The following LIMCH1 variants were observed in gnomAD, a reference collection of about 807,000 sequenced individuals.
LIMCH1 encodes the protein LIM and calponin homology domains 1.
A neutral mutation model predicts 176.5 loss-of-function variants in LIMCH1; 113 were observed. The ratio of observed to expected loss-of-function variants is 0.64; its 90% CI spans 0.55 to 0.75. LIMCH1 has a LOEUF of 0.75. Ranked by LOEUF, LIMCH1 falls within the 30% of genes least tolerant of loss-of-function variation. The pLI, the probability that LIMCH1 is intolerant of heterozygous loss-of-function variation, is 0.00. For synonymous variants in LIMCH1, 619 were observed against 645.9 expected (o/e 0.96, Z 0.63); for missense variants, 1,674 against 1,814.9 (o/e 0.92, Z 1.41).
chr4:41,479,074 A>G (rs910394089), intron 1 of LIMCH1, among the ~76,000 whole-genome samples: 1 of 152,140 alleles, frequency 6.6e-6, no homozygotes, highest in African/African-American at 2.4e-5. Context: ...CCATATACCC[A>G]CCACCTAGTT....
chr4:41,670,953 T>C (rs2094996995), intron 21 of LIMCH1: 2 of 984,082 alleles, frequency 2.0e-6, no homozygotes, highest in Non-Finnish European at 1.2e-6. Flanking sequence ...CTACCAGTTA[T>C]GCTAAAATTG....
At position 41,689,538 on chromosome 4, in the gene LIMCH1, G is replaced by T. The variant is rs758170747; in HGVS notation, c.4178G>T (p.Gly1393Val). 1 of 1,601,990 alleles carries T rather than the reference G, an allele frequency of 6.2e-7. No individual in the cohort carries two copies. The highest frequency in any genetic ancestry group is 8.6e-7 in the Non-Finnish European group (1 of 1,169,252). The change falls in exon 30 of 32, where the codon GGA (glycine) becomes GTA (valine). Residue 1393 changes from glycine (G) to valine (V), a missense_variant. By Grantham distance (109) the Gly-to-Val change is moderately radical. This residue lies in a region of LIMCH1 where 1,015 missense variants were observed against 1,102.5 expected (regional missense o/e 0.92). Transcript: ENST00000503057. ...PGQSPNRSIS[G>V]KKLCSSCGLP... is the part of the protein sequence containing the mutation. ...ATTTTTAAACCTAGGTCTATAAGTG[G>T]AAAGAAGCTGTGCTCTTCCTGTGGG... is the stretch of plus-strand genomic sequence containing the variant.
chr4:41,365,459 G>A (rs921050178), intron 1 of LIMCH1, among the ~76,000 whole-genome samples: 4 of 152,294 alleles, frequency 2.6e-5, no homozygotes, highest in Middle Eastern at 3.4e-3. Flanking sequence ...AGATAATTTA[G>A]CATTTAATGG....
rs2094243575 is a variant in LIMCH1 at position 41,650,404 on chromosome 4, A to G, written c.2832A>G (p.Lys944=). Residue 944 remains lysine, a synonymous_variant, in exon 18 of 32, where the codon AAA becomes AAG. Transcript: ENST00000503057. The stretch of plus-strand genomic sequence containing the variant: ...TCTGGCTTTTATAGGTAGACGGGAA[A>G]GTCAGTGTGAATGGAGAGACGGTTC... ...DVLKTFKVDG[K]VSVNGETVHR... 1 of 1,613,996 alleles carries G rather than the reference A, an allele frequency of 6.2e-7. No homozygotes were observed. The highest frequency in any genetic ancestry group is 8.5e-7 in the Non-Finnish European group (1 of 1,179,892).
intron 2 of LIMCH1, among the ~76,000 whole-genome samples, chr4:41,496,175 TC>T (rs1313663151): frequency 2.0e-5 from 3 of 152,198 alleles, no homozygotes; most frequent in African/African-American, 7.2e-5. Flanking sequence ...TTGAAGTGGG[TC>T]TTTGGTCCAA....
chr4:41,667,545 A>G (rs935641710), intron 21 of LIMCH1, among the ~76,000 whole-genome samples: 1 of 152,206 alleles, frequency 6.6e-6, no homozygotes, highest in African/African-American at 2.4e-5. Context: ...GGTTGCCTCT[A>G]GAAACGTGGG....
intron 17 of LIMCH1, among the ~76,000 whole-genome samples, chr4:41,647,869 A>T (rs766264199): frequency 3.3e-5 from 5 of 152,254 alleles, no homozygotes; most frequent in Non-Finnish European, 7.3e-5. Flanking sequence ...AGACTGTCTC[A>T]TCTGGATCAC....
chr4:41,477,343 A>G (rs1234556701), intron 1 of LIMCH1, among the ~76,000 whole-genome samples: 1 of 152,202 alleles, frequency 6.6e-6, no homozygotes. Flanking sequence ...TTAGGAAAAC[A>G]GGACTCTTCC....
chr4:41,520,963 C>G (rs1257932013), intron 2 of LIMCH1, among the ~76,000 whole-genome samples: 3 of 152,084 alleles, frequency 2.0e-5, no homozygotes, highest in African/African-American at 7.2e-5. Context: ...TGGAGATATT[C>G]CTCCAAGTGG....
intron 1 of LIMCH1, among the ~76,000 whole-genome samples, chr4:41,475,639 A>G (rs1370996589): frequency 2.6e-5 from 4 of 152,114 alleles, no homozygotes; most frequent in African/African-American, 9.7e-5. Context: ...TGACTTGATT[A>G]TAAAGAATGT....
At chr4:41,576,963 G>A (rs138660906) in intron 1 of LIMCH1, among the ~76,000 whole-genome samples, 103 of 152,218 alleles carry the variant, frequency 6.8e-4, no homozygotes, top group African/African-American at 2.2e-3. Context: ...GCATCTGAGC[G>A]TTCTGCATGT....
intron 4 of LIMCH1, among the ~76,000 whole-genome samples, chr4:41,610,006 C>G (rs2091236570): frequency 6.6e-6 from 1 of 152,206 alleles, no homozygotes; most frequent in Admixed American, 6.5e-5. Context: ...ACGAGCTTGG[C>G]CAAGCACAGC....
intron 14 of LIMCH1, 139 bp from the exon 15 acceptor site, chr4:41,644,361 G>C: frequency 2.6e-6 from 3 of 1,170,548 alleles, no homozygotes; most frequent in Non-Finnish European, 3.4e-6. Context: ...CACACCGCCA[G>C]TCACGCGCTG....
At chr4:41,488,437 C>G (rs1270430758) in intron 1 of LIMCH1, among the ~76,000 whole-genome samples, 1 of 152,024 alleles carries the variant, frequency 6.6e-6, no homozygotes, top group Non-Finnish European at 1.5e-5. Context: ...TGGGAAAACT[C>G]GATATTCATA....
intron 5 of LIMCH1, among the ~76,000 whole-genome samples, chr4:41,616,583 T>C (rs556823384): frequency 2.0e-5 from 3 of 152,114 alleles, no homozygotes; most frequent in African/African-American, 7.2e-5. Flanking sequence ...ACATGCTAGA[T>C]TACATTCTCC....
intron 1 of LIMCH1, among the ~76,000 whole-genome samples, chr4:41,415,666 A>G (rs1019037882): frequency 2.2e-4 from 34 of 152,124 alleles, no homozygotes; most frequent in Middle Eastern, 3.4e-3. Context: ...TGGTACTGCT[A>G]TTTGTGTACA....
At chr4:41,508,603 G>A (rs893760594) in intron 2 of LIMCH1, among the ~76,000 whole-genome samples, 6 of 152,184 alleles carry the variant, frequency 3.9e-5, no homozygotes, top group African/African-American at 4.8e-5. Flanking sequence ...GGAAAGAGCC[G>A]CAGAAGGAGG....
rs77464869 is a variant in LIMCH1 at position 41,620,299 on chromosome 4, A to G, written c.459-125A>G. The G allele has an allele frequency of 4.3e-3, 3,971 of 924,568 alleles. 102 individuals are homozygous for G. In the African/African-American group the frequency reaches 0.058, roughly 13 times the overall value. The allele number at this position is 924,568 out of a possible 1,614,324, so 57.3% of individuals were successfully genotyped here. A position where few individuals can be genotyped will look rare whatever the true frequency, so the allele number is the denominator to read the frequency against. On this transcript the variant is annotated intron_variant, in intron 6 of 31. Coordinates refer to ENST00000503057, the MANE Select transcript of LIMCH1 (RefSeq NM_001330672.2). ...GAATTTTCTTCACATTATCAGGATT[A>G]TATTGTGTGCTATGACTTTCTTTTC... is the stretch of plus-strand genomic sequence containing the variant.
rs1732400404 is a variant in LIMCH1, at chr4:41,699,812, A to C, written c.*2627A>C. ...AATGCAATACATATTATAGTTATCTATACACAGTGTAAGATTTAACAAACT... is the reference window on the plus strand; with the variant it reads ...AATGCAATACATATTATAGTTATCTCTACACAGTGTAAGATTTAACAAACT... On this transcript the variant is annotated 3_prime_UTR_variant, in exon 32 of 32. Transcript: ENST00000503057. 6.6e-6 allele frequency: 1 copy of C among 152,154 alleles called. No individual in the cohort carries two copies. Among genetic ancestry groups the C allele is most frequent in the African/African-American group, 2.4e-5 (1 of 41,422 alleles). 9.4% of individuals were successfully genotyped at this position (152,154 alleles called of 1,614,324 possible). A position where few individuals can be genotyped will look rare whatever the true frequency, so the allele number is the denominator to read the frequency against.
Sources: allele counts gnomAD v4.1 joint callset (sites outside exome capture counted in the v4.1 genomes callset), GRCh38; gene constraint gnomAD v4.1.1; regional missense constraint gnomAD v4.1.1; transcripts MANE v1.5; gene names NCBI Gene and HGNC (gene_info 2026-07-23, HGNC 2026-07-21).